KPNA4: variants seen among roughly 807,000 people sequenced by gnomAD.
KPNA4 encodes importin subunit alpha-3.
In KPNA4, 13 loss-of-function variants were observed where a neutral mutation model predicts 71.3. The ratio of observed to expected loss-of-function variants is 0.18; its 90% CI spans 0.12 to 0.29. KPNA4 has a LOEUF of 0.29. Ranked by LOEUF, KPNA4 falls within the 10% of genes least tolerant of loss-of-function variation. KPNA4 has a pLI of 1.00. For synonymous variants in KPNA4, 189 were observed against 195.2 expected, an observed-to-expected ratio of 0.97 and a Z score of 0.26; for missense variants, 334 against 603.2, an observed-to-expected ratio of 0.55 and a Z score of 4.67.
intron 15 of KPNA4, among the ~76,000 whole-genome samples, chr3:160,505,730 G>A (rs1212015869): frequency 6.6e-6 from 1 of 152,146 alleles, no homozygotes; most frequent in African/African-American, 2.4e-5. Flanking sequence ...AATGGAGAAA[G>A]TTATCTTAGG....
At chr3:160,559,961 C>T (rs527339337) in intron 1 of KPNA4, among the ~76,000 whole-genome samples, 9 of 152,178 alleles carry the variant, frequency 5.9e-5, no homozygotes, top group African/African-American at 1.7e-4. Context: ...GAACTCCAAC[C>T]CTGTCTTTTA....
chr3:160,529,809 G>C (rs935382277), intron 7 of KPNA4, among the ~76,000 whole-genome samples: 1 of 151,906 alleles, frequency 6.6e-6, no homozygotes, highest in Non-Finnish European at 1.5e-5. Context: ...CTTTCAACTA[G>C]GACTACTTTA....
At position 160,530,846 on chromosome 3, in the gene KPNA4, C is replaced by T; in HGVS notation, c.469+9G>A. On this transcript the variant is annotated intron_variant, in intron 7 of 16. Transcript: ENST00000334256. ...AAATCACAATTATGTTTATTAATAACCAACTTACTGGACTGAACTACTGCT... is the reference window on the plus strand; with the variant it reads ...AAATCACAATTATGTTTATTAATAATCAACTTACTGGACTGAACTACTGCT... 1 of 1,587,570 alleles carries T rather than the reference C, an allele frequency of 6.3e-7. No individual in the cohort carries two copies. Among genetic ancestry groups the T allele is most frequent in the Non-Finnish European group, 8.6e-7 (1 of 1,164,396 alleles).
chr3:160,509,598 T>C (rs984424267), intron 14 of KPNA4, among the ~76,000 whole-genome samples: 1 of 152,148 alleles, frequency 6.6e-6, no homozygotes, highest in Non-Finnish European at 1.5e-5. Context: ...ATCTTGCTCT[T>C]ATTTTATTTT....
rs1038434298 is a variant in KPNA4 at position 160,496,450 on chromosome 3, G to A, written c.*5654C>T. The A allele has an allele frequency of 4.6e-5, 7 of 152,014 alleles. No homozygotes were observed. The highest frequency in any genetic ancestry group is 1.0e-4 in the Non-Finnish European group (7 of 68,022). 9.4% of individuals were successfully genotyped at this position (152,014 alleles called of 1,614,324 possible). ...AGATTACGAGTCATTTTAAACAGCT[G>A]TTTCAAAGTAAGAGTAAAAACAGGC... On this transcript the variant is annotated 3_prime_UTR_variant, in exon 17 of 17. Transcript: ENST00000334256.
At chr3:160,563,077 T>C (rs1195251201) in intron 1 of KPNA4, among the ~76,000 whole-genome samples, 1 of 152,230 alleles carries the variant, frequency 6.6e-6, no homozygotes, top group Admixed American at 6.5e-5. Flanking sequence ...ATGTTCTTAG[T>C]AGTATTATGT....
chr3:160,519,304 T>C (rs1216078813), intron 11 of KPNA4, among the ~76,000 whole-genome samples: 2 of 152,124 alleles, frequency 1.3e-5, no homozygotes, highest in Non-Finnish European at 2.9e-5. Flanking sequence ...AGAGGAAAGA[T>C]AAAAGAAAGG....
Position 160,498,732 on chromosome 3 carries a change from A to G in KPNA4, c.*3372T>C, listed in dbSNP as rs888808605. 1.3e-5 allele frequency: 2 copies of G among 152,210 alleles called. No individual in the cohort carries two copies. Among genetic ancestry groups the G allele is most frequent in the Non-Finnish European group, 2.9e-5 (2 of 68,038 alleles). The allele number at this position is 152,210 out of a possible 1,614,324, so 9.4% of individuals were successfully genotyped here. On this transcript the variant is annotated 3_prime_UTR_variant, in exon 17 of 17. Coordinates refer to ENST00000334256, the MANE Select transcript of KPNA4 (RefSeq NM_002268.5). ...ATATGTGCATAAAAGAGGACCCCCTAGCTTCAGATAAGACTGCAGCTCTGG... is the reference window on the plus strand; with the variant it reads ...ATATGTGCATAAAAGAGGACCCCCTGGCTTCAGATAAGACTGCAGCTCTGG...
chr3:160,506,109 T>TC (rs1720977617), intron 15 of KPNA4, among the ~76,000 whole-genome samples: 1 of 151,970 alleles, frequency 6.6e-6, no homozygotes, highest in East Asian at 1.9e-4. Context: ...TCTCCTCATC[T>TC]CCCCTTTGTC....
At chr3:160,512,345 G>A (rs973967031) in intron 13 of KPNA4, among the ~76,000 whole-genome samples, 38 of 151,888 alleles carry the variant, frequency 2.5e-4, no homozygotes, top group African/African-American at 8.9e-4. Flanking sequence ...AACAAACAGA[G>A]TATCAAAAAG....
At chr3:160,536,434 A>G (rs996482534) in intron 2 of KPNA4, among the ~76,000 whole-genome samples, 2 of 152,178 alleles carry the variant, frequency 1.3e-5, no homozygotes, top group Non-Finnish European at 2.9e-5. Flanking sequence ...AGAAGTTTGC[A>G]ACAAGTTCTT....
At chr3:160,558,111 T>A (rs1560057376) in intron 1 of KPNA4, among the ~76,000 whole-genome samples, 2 of 152,216 alleles carry the variant, frequency 1.3e-5, no homozygotes, top group Admixed American at 1.3e-4. Flanking sequence ...TACAATGTTT[T>A]GAGAAAACAG....
At chr3:160,525,719 T>C in intron 10 of KPNA4, 81 bp downstream of exon 10, 1 of 819,088 alleles carries the variant, frequency 1.2e-6, no homozygotes, top group Non-Finnish European at 1.8e-6. Flanking sequence ...GTTAGTATAA[T>C]ATTTCTCCCC....
At chr3:160,530,134 CAAAAAAAAAAAAA>C (rs746257397) in intron 7 of KPNA4, among the ~76,000 whole-genome samples, 2 of 38,530 alleles carry the variant, frequency 5.2e-5, no homozygotes, top group African/African-American at 7.1e-5. Context: ...GACTCCATCT[CAAAAAAAAAAAAA>C]AAAAAAAAAA....
intron 1 of KPNA4, chr3:160,564,506 TG>T (rs1386801078): frequency 6.6e-6 from 1 of 152,272 alleles, no homozygotes; most frequent in Non-Finnish European, 1.5e-5. Context: ...ATCCTTTGCC[TG>T]GAAGAGGGCA....
In KPNA4 at chr3:160,496,748, A is replaced by T. The variant is rs893561545; in HGVS notation, c.*5356T>A. Reference sequence around the variant, plus strand: ...AAAAATTGGGGCAGAAAATATAAATAACAAGGGAGTACTGCAGTCCTCTGG... The same window carrying T: ...AAAAATTGGGGCAGAAAATATAAATTACAAGGGAGTACTGCAGTCCTCTGG... On this transcript the variant is annotated 3_prime_UTR_variant, in exon 17 of 17. Coordinates refer to ENST00000334256, the MANE Select transcript of KPNA4 (RefSeq NM_002268.5). 6.6e-6 allele frequency: 1 copy of T among 152,232 alleles called. No homozygotes were observed. The highest frequency in any genetic ancestry group is 1.5e-5 in the Non-Finnish European group (1 of 68,046). 9.4% of individuals were successfully genotyped at this position (152,232 alleles called of 1,614,324 possible). A position where few individuals can be genotyped will look rare whatever the true frequency, so the allele number is the denominator to read the frequency against.
At chr3:160,510,891 T>C (rs562925943) in intron 13 of KPNA4, among the ~76,000 whole-genome samples, 1 of 148,032 alleles carries the variant, frequency 6.8e-6, no homozygotes, top group Non-Finnish European at 1.5e-5. Context: ...GGGTTCAAGT[T>C]ATTCTCCCAC....
At chr3:160,522,992 C>T (rs963388091) in intron 10 of KPNA4, among the ~76,000 whole-genome samples, 1 of 151,758 alleles carries the variant, frequency 6.6e-6, no homozygotes, top group Non-Finnish European at 1.5e-5. Context: ...TTTCCTAGTA[C>T]GTTAGGTCCT....
intron 7 of KPNA4, among the ~76,000 whole-genome samples, chr3:160,530,564 T>G (rs1284225609): frequency 6.6e-6 from 1 of 152,190 alleles, no homozygotes; most frequent in Non-Finnish European, 1.5e-5. Context: ...ACTCCTTTAT[T>G]TCTACTGATG....
Sources: allele counts gnomAD v4.1 joint callset (sites outside exome capture counted in the v4.1 genomes callset), GRCh38; gene constraint gnomAD v4.1.1; transcripts MANE v1.5; gene names NCBI Gene and HGNC (gene_info 2026-07-23, HGNC 2026-07-21).